RALYL: variants seen among roughly 807,000 people sequenced by gnomAD.
RALYL encodes the protein RNA-binding Raly-like protein.
RALYL carries 29 observed loss-of-function variants against 35.1 expected under a neutral mutation model. That is an observed-to-expected ratio of 0.83 (90% CI 0.61 to 1.13). The LOEUF is 1.13. Among genes scored for constraint, RALYL ranks in the 50% most tolerant of loss-of-function variants. The pLI, the probability that RALYL is intolerant of heterozygous loss-of-function variation, is 0.00. For synonymous variants in RALYL, 120 were observed against 127.6 expected, an observed-to-expected ratio of 0.94 and a Z score of 0.40; for missense variants, 359 against 360.4, an observed-to-expected ratio of 1.00 and a Z score of 0.03.
intron 1 of RALYL, among the ~76,000 whole-genome samples, chr8:84,230,606 G>A (rs1234400417): frequency 1.3e-5 from 2 of 152,108 alleles, no homozygotes; most frequent in African/African-American, 4.8e-5. Flanking sequence ...AAATCCTGAA[G>A]AAATGGAGCT....
chr8:84,673,634 A>T lies in RALYL; in HGVS notation c.257-100945A>T, dbSNP rs142224446. Among the ~76,000 whole-genome samples, 1,029 of 152,256 alleles carry T rather than the reference A, an allele frequency of 6.8e-3. 14 individuals are homozygous for T. The highest frequency in any genetic ancestry group is 0.048 in the Middle Eastern group (14 of 294). ...TCCCAGAACAATTTATTGAATAGGG[A>T]ATCCTCTCCCCATTGCTGGCTTTTG... is the stretch of plus-strand genomic sequence containing the variant. On this transcript the variant is annotated intron_variant, in intron 2 of 8. Coordinates refer to ENST00000521268, the MANE Select transcript of RALYL (RefSeq NM_173848.7).
At chr8:84,520,056 C>A (rs2058347703) in intron 1 of RALYL, among the ~76,000 whole-genome samples, 1 of 152,224 alleles carries the variant, frequency 6.6e-6, no homozygotes, top group Admixed American at 6.5e-5. Flanking sequence ...TTAATTGCTT[C>A]ATTTCTCAAG....
chr8:84,288,974 G>A (rs865970396), intron 1 of RALYL, among the ~76,000 whole-genome samples: 4 of 152,252 alleles, frequency 2.6e-5, no homozygotes, highest in Middle Eastern at 3.4e-3. Context: ...CCAAAATGTA[G>A]TCTGAACTTG....
At chr8:84,234,765 A>AT (rs1179372758) in intron 1 of RALYL, among the ~76,000 whole-genome samples, 3,918 of 136,606 alleles carry the variant, frequency 0.029, 169 homozygotes, top group East Asian at 0.16. Flanking sequence ...TTATTTATTT[A>AT]TTTATTTTTT....
chr8:84,401,638 A>C (rs1488484434), intron 1 of RALYL, among the ~76,000 whole-genome samples: 1 of 83,504 alleles, frequency 1.2e-5, no homozygotes, highest in Non-Finnish European at 2.3e-5. Flanking sequence ...ACTCTGTCTC[A>C]AAAAAAAAAA....
chr8:84,742,289 A>C (rs1807553960), intron 2 of RALYL, among the ~76,000 whole-genome samples: 1 of 152,126 alleles, frequency 6.6e-6, no homozygotes, highest in South Asian at 2.1e-4. Flanking sequence ...CAGATAAAAT[A>C]GTGTTTTTAA....
chr8:84,873,300 A>G lies in RALYL; in HGVS notation c.588A>G (p.Leu196=). 1.3e-6 allele frequency: 2 copies of G among 1,585,640 alleles called. No homozygotes were observed. Among genetic ancestry groups the G allele is most frequent in the Non-Finnish European group, 1.7e-6 (2 of 1,162,642 alleles). ...ACTTTCCAGTGAAATCAGATGAGTTACAGACCATCAAGAAAGAATTAACCC... is the reference window on the plus strand; with the variant it reads ...ACTTTCCAGTGAAATCAGATGAGTTGCAGACCATCAAGAAAGAATTAACCC... The part of the protein sequence containing the change: ...STGSKLKSDE[L]QTIKKELTQI... Residue 196 remains leucine, a synonymous_variant, in exon 7 of 9, where the codon TTA becomes TTG. Coordinates refer to ENST00000521268, the MANE Select transcript of RALYL (RefSeq NM_173848.7).
chr8:84,836,708 C>A (rs1487077940), intron 4 of RALYL, among the ~76,000 whole-genome samples: 1 of 152,126 alleles, frequency 6.6e-6, no homozygotes, highest in Non-Finnish European at 1.5e-5. Context: ...GAAACCTACA[C>A]CAACATTTTA....
chr8:84,209,504 C>G lies in RALYL; in HGVS notation c.-24+25080C>G, dbSNP rs535125691. ...CTCTAATTGTTATTGTGAGTGTCAC[C>G]TTTTATAAACTGAGCCACTACAGGG... On this transcript the variant is annotated intron_variant, in intron 1 of 8. Coordinates refer to ENST00000521268, the MANE Select transcript of RALYL (RefSeq NM_173848.7). Among the ~76,000 whole-genome samples, 5 of 152,232 alleles carry G rather than the reference C, an allele frequency of 3.3e-5. No individual in the cohort carries two copies. The East Asian group carries it at 9.7e-4, about 29-fold the overall frequency.
At chr8:84,479,285 TAA>T (rs1325055049) in intron 1 of RALYL, among the ~76,000 whole-genome samples, 4 of 152,014 alleles carry the variant, frequency 2.6e-5, no homozygotes, top group African/African-American at 9.7e-5. Context: ...ATGCTTAAAA[TAA>T]GTTTTCTCTT....
chr8:84,832,547 C>G (rs1419562122), intron 4 of RALYL, among the ~76,000 whole-genome samples: 1 of 151,888 alleles, frequency 6.6e-6, no homozygotes, highest in East Asian at 1.9e-4. Flanking sequence ...CTTTTTTTGA[C>G]TTCGCATCAG....
At chr8:84,755,754 C>T (rs1811238064) in intron 2 of RALYL, among the ~76,000 whole-genome samples, 1 of 151,600 alleles carries the variant, frequency 6.6e-6, no homozygotes, top group Non-Finnish European at 1.5e-5. Context: ...AGTAGAAATA[C>T]AAGAGAATTC....
At chr8:84,847,683 G>T (rs984352959) in intron 4 of RALYL, among the ~76,000 whole-genome samples, 9 of 152,146 alleles carry the variant, frequency 5.9e-5, no homozygotes, top group African/African-American at 2.2e-4. Context: ...ATCCATGACT[G>T]CCAGACAAAA....
chr8:84,431,501 C>T (rs2047140270), intron 1 of RALYL, among the ~76,000 whole-genome samples: 1 of 152,130 alleles, frequency 6.6e-6, no homozygotes, highest in Non-Finnish European at 1.5e-5. Flanking sequence ...AGATAGTCCT[C>T]CTATCTAACT....
chr8:84,577,648 A>G (rs1027023379), intron 2 of RALYL, among the ~76,000 whole-genome samples: 5 of 152,164 alleles, frequency 3.3e-5, no homozygotes, highest in Non-Finnish European at 7.4e-5. Flanking sequence ...ATTTTTGTCT[A>G]AAGATTATTG....
chr8:84,249,806 C>A (rs1829825308), intron 1 of RALYL, among the ~76,000 whole-genome samples: 1 of 151,116 alleles, frequency 6.6e-6, no homozygotes, highest in Non-Finnish European at 1.5e-5. Context: ...AAAAAAATTA[C>A]CAGGGAGAGA....
At chr8:84,810,923 T>C (rs1428799160) in intron 4 of RALYL, among the ~76,000 whole-genome samples, 3 of 152,174 alleles carry the variant, frequency 2.0e-5, no homozygotes, top group Admixed American at 6.5e-5. Flanking sequence ...AGAGAGTTGA[T>C]TGGTGAGTTC....
At chr8:84,208,061 G>A (rs909234523) in intron 1 of RALYL, among the ~76,000 whole-genome samples, 2 of 151,902 alleles carry the variant, frequency 1.3e-5, no homozygotes, top group Admixed American at 6.6e-5. Flanking sequence ...AGTAAAGAAC[G>A]GATCAAAGCC....
intron 2 of RALYL, among the ~76,000 whole-genome samples, chr8:84,541,893 G>T (rs1403262489): frequency 1.3e-5 from 2 of 151,954 alleles, no homozygotes; most frequent in Admixed American, 6.6e-5. Flanking sequence ...ATTTGTGTTT[G>T]TATGGTATAT....
Sources: gnomAD v4.1 joint callset for allele counts (sites outside exome capture counted in the v4.1 genomes callset) on GRCh38, gnomAD v4.1.1 for gene constraint, MANE v1.5 for transcripts, NCBI Gene and HGNC (gene_info 2026-07-23, HGNC 2026-07-21) for gene names.